Variants in FGF13 observed in about 807,000 individuals in gnomAD.
FGF13 encodes fibroblast growth factor homologous factor 2.
Under a neutral mutation model 19.5 loss-of-function variants are expected in FGF13, and 2 were observed. That is an observed-to-expected ratio of 0.10 (90% CI 0.04 to 0.32). The LOEUF is 0.32. FGF13 is among the 10% of genes least tolerant of loss of function. FGF13 has a pLI of 1.00. For synonymous variants in FGF13, 72 were observed against 76.9 expected, an observed-to-expected ratio of 0.94 and a Z score of 0.33; for missense variants, 113 against 192.7, an observed-to-expected ratio of 0.59 and a Z score of 2.45.
intron 3 of FGF13, among the ~76,000 whole-genome samples, chrX:138,745,191 A>G (rs1367277047): frequency 1.8e-5 from 2 of 111,991 alleles, no homozygotes; most frequent in Non-Finnish European, 3.8e-5. Flanking sequence ...TATACCACAA[A>G]TCATACATCT....
chrX:138,736,815 T>G (rs1345192975), intron 1 of FGF13, among the ~76,000 whole-genome samples: 1 of 109,792 alleles, frequency 9.1e-6, no homozygotes, highest in Non-Finnish European at 1.9e-5. Context: ...ATATGATACA[T>G]GGAGTACTAG....
At chrX:139,044,890 C>T (rs1180937328) in intron 1 of FGF13, among the ~76,000 whole-genome samples, 4 of 111,316 alleles carry the variant, frequency 3.6e-5, no homozygotes, top group Non-Finnish European at 7.5e-5. Flanking sequence ...TTGACATTCT[C>T]GGGTCTGGAG....
chrX:138,892,922 C>T (rs1030906849), intron 1 of FGF13, among the ~76,000 whole-genome samples: 8 of 104,288 alleles, frequency 7.7e-5, no homozygotes, highest in African/African-American at 2.8e-4. Context: ...CCCACCAAGA[C>T]CCAGGAATAC....
At chrX:139,072,386 T>C (rs1221756451) in intron 1 of FGF13, among the ~76,000 whole-genome samples, 1 of 111,210 alleles carries the variant, frequency 9.0e-6, no homozygotes, top group Non-Finnish European at 1.9e-5. Flanking sequence ...AGACACCCTC[T>C]CTGATGGCAC....
At chrX:139,127,945 T>C (rs181923757) in intron 1 of FGF13, among the ~76,000 whole-genome samples, 15 of 110,990 alleles carry the variant, frequency 1.4e-4, no homozygotes, top group African/African-American at 4.6e-4. Flanking sequence ...GGGAGGTTCT[T>C]GGTTCACTGC....
intron 2 of FGF13, among the ~76,000 whole-genome samples, chrX:138,707,432 T>C (rs1372821766): frequency 2.7e-5 from 3 of 111,215 alleles, no homozygotes; most frequent in African/African-American, 9.8e-5. Flanking sequence ...CAGACCCATT[T>C]TCCTGAGGCA....
intron 1 of FGF13, among the ~76,000 whole-genome samples, chrX:139,147,865 T>G (rs1945628215): frequency 9.0e-6 from 1 of 110,818 alleles, no homozygotes; most frequent in Non-Finnish European, 1.9e-5. Flanking sequence ...ACTCTGGGTT[T>G]TTTTTTTTTG....
intron 1 of FGF13, among the ~76,000 whole-genome samples, chrX:138,873,449 C>T (rs2091368944): frequency 8.9e-6 from 1 of 111,790 alleles, no homozygotes; most frequent in South Asian, 3.8e-4. Flanking sequence ...GCAATAAGGA[C>T]GTGGGAAAGA....
intron 1 of FGF13, among the ~76,000 whole-genome samples, chrX:139,086,771 G>C (rs1430304011): frequency 1.8e-5 from 2 of 112,404 alleles, no homozygotes; most frequent in African/African-American, 6.5e-5. Context: ...TAAAAATTAA[G>C]TCACCAACTA....
chrX:138,911,579 T>C (rs763126567), intron 1 of FGF13, among the ~76,000 whole-genome samples: 10 of 110,906 alleles, frequency 9.0e-5, no homozygotes, highest in Non-Finnish European at 1.3e-4. Context: ...AGTTTACCTA[T>C]ATAACAAACC....
intron 3 of FGF13, among the ~76,000 whole-genome samples, chrX:138,851,066 A>T (rs113635783): frequency 0.025 from 2,788 of 111,478 alleles, 38 homozygotes; most frequent in Middle Eastern, 0.078. Flanking sequence ...AAAGGACATG[A>T]TCTCGTTCCT....
intron 1 of FGF13, among the ~76,000 whole-genome samples, chrX:138,895,471 A>G (rs1251569750): frequency 8.9e-6 from 1 of 112,293 alleles, no homozygotes; most frequent in East Asian, 2.8e-4. Flanking sequence ...AAGGTATTCA[A>G]CAAATCAAAA....
intron 1 of FGF13, among the ~76,000 whole-genome samples, chrX:139,147,616 T>C (rs201483599): frequency 2.7e-5 from 3 of 111,809 alleles, no homozygotes; most frequent in Non-Finnish European, 5.6e-5. Flanking sequence ...ACAACAGGAA[T>C]GCATTCCCTC....
At chrX:138,961,537 G>C (rs1002439219) in intron 1 of FGF13, among the ~76,000 whole-genome samples, 16 of 111,366 alleles carry the variant, frequency 1.4e-4, no homozygotes, top group African/African-American at 4.9e-4. Flanking sequence ...GTCAGACAGG[G>C]ACGTTAAAGT....
At chrX:138,972,912 T>C (rs768844055) in intron 1 of FGF13, among the ~76,000 whole-genome samples, 1,397 of 10,265 alleles carry the variant, frequency 0.14, 27 homozygotes, top group African/African-American at 0.21. Flanking sequence ...ACTTCATTAT[T>C]TTTTTTTTCT....
At chrX:139,169,989 C>T (rs762920160) in intron 1 of FGF13, among the ~76,000 whole-genome samples, 2 of 111,328 alleles carry the variant, frequency 1.8e-5, no homozygotes, top group Non-Finnish European at 3.8e-5. Context: ...GGAGCCATCA[C>T]GAAATTGCAG....
intron 1 of FGF13, among the ~76,000 whole-genome samples, chrX:138,724,392 G>A (rs916240203): frequency 1.6e-4 from 18 of 111,173 alleles, no homozygotes; most frequent in African/African-American, 4.9e-4. Flanking sequence ...TTTTGTCAAA[G>A]CCCTCACACA....
Position 138,828,747 on chromosome X carries a change from T to A in FGF13, c.217+28765A>T, listed in dbSNP as rs1333637642. Reference sequence around the variant, plus strand: ...TATTTTTTTTTTTTGCATTGAGAGGTATCAGAAGGTTCCATTTACTTTGTA... The same window carrying A: ...TATTTTTTTTTTTTGCATTGAGAGGAATCAGAAGGTTCCATTTACTTTGTA... On this transcript the variant is annotated intron_variant, in intron 3 of 6. Transcript: ENST00000436198. 3.7e-5 allele frequency among the ~76,000 whole-genome samples: 4 copies of A among 108,151 alleles called. No homozygotes were observed. In the East Asian group the frequency reaches 1.2e-3, roughly 32 times the overall value. 93.9% of individuals were successfully genotyped at this position (108,151 alleles called of 115,157 possible). A position where few individuals can be genotyped will look rare whatever the true frequency, so the allele number is the denominator to read the frequency against.
chrX:139,109,383 G>C (rs2083584862), intron 1 of FGF13, among the ~76,000 whole-genome samples: 1 of 111,811 alleles, frequency 8.9e-6, no homozygotes, highest in South Asian at 3.8e-4. Context: ...AAGGGGATGA[G>C]AATCATAAAA....
Sources: allele counts gnomAD v4.1 joint callset (sites outside exome capture counted in the v4.1 genomes callset), GRCh38; gene constraint gnomAD v4.1.1; transcripts MANE v1.5; gene names NCBI Gene and HGNC (gene_info 2026-07-23, HGNC 2026-07-21).